Variants in ZNF236 observed in about 807,000 individuals in gnomAD.
ZNF236 encodes zinc finger protein 236, also known as regulated by glucose.
ZNF236 carries 50 observed loss-of-function variants against 191.2 expected under a neutral mutation model. The ratio of observed to expected loss-of-function variants is 0.26; its 90% CI spans 0.21 to 0.33. The LOEUF (loss-of-function observed/expected upper bound fraction) is 0.33. ZNF236 is among the 10% of genes least tolerant of loss of function. The pLI is 1.00. For missense variants in ZNF236, 1,754 were observed against 2,374.5 expected, an observed-to-expected ratio of 0.74 and a Z score of 5.43; for synonymous variants, 907 against 928.8, an observed-to-expected ratio of 0.98 and a Z score of 0.43.
chr18:76,961,341 C>A (rs539413987), intron 30 of ZNF236, among the ~76,000 whole-genome samples: 1 of 149,966 alleles, frequency 6.7e-6, no homozygotes, highest in Non-Finnish European at 1.5e-5. Context: ...TTAATTCATT[C>A]CTTTTTATGG....
intron 28 of ZNF236, among the ~76,000 whole-genome samples, chr18:76,958,208 G>A (rs756399666): frequency 4.6e-5 from 7 of 152,176 alleles, no homozygotes; most frequent in Non-Finnish European, 7.3e-5. Flanking sequence ...ACAGCTGATC[G>A]CAAACTTATT....
In ZNF236 at chr18:76,928,263, T is replaced by C. The variant is rs144097702; in HGVS notation, c.4594+157T>C. ...AAATTGAAGTTTAGTGAAAATAATG[T>C]ATTCTAATTCAGATCTGGCACCAGA... On this transcript the variant is annotated intron_variant, in intron 25 of 30. Coordinates refer to ENST00000320610, the MANE Select transcript of ZNF236 (RefSeq NM_001306089.2). 2.8e-3 allele frequency among the ~76,000 whole-genome samples: 422 copies of C among 152,378 alleles called. 1 individual carries two copies. Among genetic ancestry groups the C allele is most frequent in the Middle Eastern group, 0.017 (5 of 294 alleles).
At chr18:76,955,922 A>C in intron 27 of ZNF236, 63 bp from the exon 28 acceptor site, 2 of 1,525,550 alleles carry the variant, frequency 1.3e-6, no homozygotes, top group Non-Finnish European at 1.8e-6. Flanking sequence ...GGTGTGTGTC[A>C]GTTCACAAAC....
chr18:76,960,696 T>C lies in ZNF236; in HGVS notation c.5260T>C (p.Cys1754Arg), dbSNP rs1428429395. Reference protein sequence around the residue: ...RIHTGERPFHCTLCEKAFNQK... With the variant: ...RIHTGERPFHRTLCEKAFNQK... The stretch of plus-strand genomic sequence containing the variant: ...CTGTACAGGGGAGCGGCCGTTCCAT[T>C]GCACGCTTTGTGAGAAAGCCTTCAA... The change falls in exon 30 of 31, where the codon TGC (cysteine) becomes CGC (arginine). Residue 1754 changes from cysteine (C) to arginine (R), a missense_variant. Physicochemically the swap from Cys to Arg is radical, Grantham distance 180 (BLOSUM62 -3). This residue lies in a region of ZNF236 where 606 missense variants were observed against 761.5 expected (regional missense o/e 0.80). Coordinates refer to ENST00000320610, the MANE Select transcript of ZNF236 (RefSeq NM_001306089.2). This position sits in a 1 kb window ranked among gnomAD's most constrained non-coding sequence, Gnocchi z 4.4. 1 of 1,614,208 alleles carries C rather than the reference T, an allele frequency of 6.2e-7. No homozygotes were observed. The highest frequency in any genetic ancestry group is 1.3e-5 in the African/African-American group (1 of 75,060).
intron 12 of ZNF236, 80 bp downstream of exon 12, chr18:76,904,601 G>A (rs551408440): frequency 7.6e-7 from 1 of 1,315,422 alleles, no homozygotes; most frequent in African/African-American, 1.5e-5. Context: ...AAGTATTTAG[G>A]ATGGTAGCAT....
intron 28 of ZNF236, 57 bp from the exon 29 acceptor site, chr18:76,959,630 T>G: frequency 6.5e-7 from 1 of 1,549,050 alleles, no homozygotes; most frequent in Non-Finnish European, 8.7e-7. Flanking sequence ...TCCTCTTGTT[T>G]CTAGTCTCGA....
intron 5 of ZNF236, among the ~76,000 whole-genome samples, chr18:76,873,966 T>TTTCACACCCTTGC (rs1223342015): frequency 7.1e-6 from 1 of 141,324 alleles, no homozygotes. Context: ...TGTCCTCCTC[T>TTTCACACCCTTGC]CCTGTCGCCA....
intron 4 of ZNF236, among the ~76,000 whole-genome samples, chr18:76,869,815 G>A (rs1206113677): frequency 6.6e-6 from 1 of 152,146 alleles, no homozygotes; most frequent in African/African-American, 2.4e-5. Context: ...AATTAGCTGG[G>A]TGTGGTGGCA....
At chr18:76,841,358 C>T (rs1975496316) in intron 1 of ZNF236, among the ~76,000 whole-genome samples, 1 of 152,380 alleles carries the variant, frequency 6.6e-6, no homozygotes, top group Non-Finnish European at 1.5e-5. Context: ...AGGCGTGAGC[C>T]TCCGCGCCCG....
chr18:76,849,295 CA>C (rs1975789186), intron 1 of ZNF236: 1 of 415,890 alleles, frequency 2.4e-6, no homozygotes, highest in South Asian at 3.9e-5. Context: ...AAAAGCCCAC[CA>C]ATATGTATTT....
chr18:76,849,721 T>C (rs1321273059), intron 2 of ZNF236, 53 bp downstream of exon 2: 4 of 1,414,388 alleles, frequency 2.8e-6, no homozygotes, highest in Non-Finnish European at 3.7e-6. Context: ...ACTGGAGGTA[T>C]TGTAAAAATG....
At chr18:76,854,569 C>G (rs1975989511) in intron 3 of ZNF236, among the ~76,000 whole-genome samples, 1 of 133,906 alleles carries the variant, frequency 7.5e-6, no homozygotes, top group Non-Finnish European at 1.6e-5. Context: ...GCCTGGGCAA[C>G]ATAGACTGTC....
intron 1 of ZNF236, among the ~76,000 whole-genome samples, chr18:76,839,638 A>G (rs1018059108): frequency 6.6e-6 from 1 of 152,106 alleles, no homozygotes; most frequent in Non-Finnish European, 1.5e-5. Flanking sequence ...TGCTGTATTT[A>G]TCAGTGTCTT....
chr18:76,848,729 G>T lies in ZNF236; in HGVS notation c.56-797G>T, dbSNP rs572380909. On this transcript the variant is annotated intron_variant, in intron 1 of 30. Transcript: ENST00000320610. The stretch of plus-strand genomic sequence containing the variant: ...GGCCCAGACTGGGGTGCAGTGGTGG[G>T]ATCATCGGTCACTACGCCCCGAAAC... 1.8e-4 allele frequency among the ~76,000 whole-genome samples: 27 copies of T among 152,270 alleles called. No homozygotes were observed. The South Asian group carries it at 5.2e-3, about 29-fold the overall frequency.
chr18:76,825,731 T>C (rs546235801), intron 1 of ZNF236, among the ~76,000 whole-genome samples: 10 of 152,344 alleles, frequency 6.6e-5, no homozygotes, highest in African/African-American at 2.4e-4. Context: ...CAAACATCAA[T>C]AGATATAACT....
At chr18:76,889,013 A>G (rs545708401) in intron 9 of ZNF236, among the ~76,000 whole-genome samples, 1 of 152,306 alleles carries the variant, frequency 6.6e-6, no homozygotes, top group African/African-American at 2.4e-5. Context: ...AACTTTCTGC[A>G]GCATGTAAGG....
intron 27 of ZNF236, among the ~76,000 whole-genome samples, chr18:76,949,298 ATG>A (rs1391344574): frequency 6.6e-6 from 1 of 152,224 alleles, no homozygotes; most frequent in African/African-American, 2.4e-5. Flanking sequence ...TAGAAGAATA[ATG>A]TTTGTAGAGT....
chr18:76,908,587 G>A lies in ZNF236; in HGVS notation c.2551+14G>A. 1 of 1,589,920 alleles carries A rather than the reference G, an allele frequency of 6.3e-7. No individual in the cohort carries two copies. On this transcript the variant is annotated intron_variant, in intron 14 of 30. Transcript: ENST00000320610. ...AAGCAGATGAAGGTAAATGTTTCAG[G>A]ATATTTAACTTTGAGTGATCCCAGC...
intron 1 of ZNF236, chr18:76,824,497 C>G: frequency 1.3e-6 from 1 of 778,774 alleles, no homozygotes; most frequent in Non-Finnish European, 2.4e-6. Flanking sequence ...TTTGTTGCCT[C>G]TCCCGCTTTT....
Sources: allele counts gnomAD v4.1 joint callset (sites outside exome capture counted in the v4.1 genomes callset), GRCh38; gene constraint gnomAD v4.1.1; regional missense constraint gnomAD v4.1.1; non-coding constraint Gnocchi (gnomAD v3.1); transcripts MANE v1.5; gene names NCBI Gene and HGNC (gene_info 2026-07-23, HGNC 2026-07-21).